ANKRD55: variants seen among roughly 807,000 people sequenced by gnomAD.
ANKRD55 encodes the protein ankyrin repeat domain-containing protein 55.
In ANKRD55, 41 loss-of-function variants were observed where a neutral mutation model predicts 60.6. The observed-to-expected ratio is 0.68, with a 90% CI of 0.53 to 0.88. The LOEUF is 0.88. ANKRD55 is among the 40% of genes least tolerant of loss of function. The probability of loss-of-function intolerance (pLI) is 0.00; values close to 1 mark genes in which losing one functional copy is unlikely to be tolerated. For missense variants in ANKRD55, 732 were observed against 767.6 expected (o/e 0.95, Z 0.55); for synonymous variants, 264 against 290.3 (o/e 0.91, Z 0.92).
chr5:56,160,871 C>G (rs1279230786), intron 5 of ANKRD55: 1 of 152,144 alleles, frequency 6.6e-6, no homozygotes, highest in Non-Finnish European at 1.5e-5. Context: ...GAGAGGGGCC[C>G]GGGCTCTGCA....
chr5:56,228,732 G>A (rs1760177373), intron 2 of ANKRD55, among the ~76,000 whole-genome samples: 1 of 152,152 alleles, frequency 6.6e-6, no homozygotes, highest in Admixed American at 6.6e-5. Flanking sequence ...GCCTGCTGCT[G>A]ACATCTTGAT....
rs1757279246 is a variant in ANKRD55 at position 56,126,983 on chromosome 5, T to C, written c.736A>G (p.Ile246Val). 6.2e-7 allele frequency: 1 copy of C among 1,613,564 alleles called. No individual in the cohort carries two copies. Among genetic ancestry groups the C allele is most frequent in the Admixed American group, 1.7e-5 (1 of 59,962 alleles). ...GGGACTCTTGCCAGCTCATGAATAA[T>C]ATCGCTGAAGCCCGCTGCCGCTGCG... ...HIAAAAGFSD[I>V]IHELARVPEC... Residue 246 changes from isoleucine (I) to valine (V), a missense_variant, in exon 8 of 12, where the codon ATT becomes GTT. By Grantham distance (29) the Ile-to-Val change is conservative (BLOSUM62 3). Coordinates refer to ENST00000341048, the MANE Select transcript of ANKRD55 (RefSeq NM_024669.3).
chr5:56,219,479 C>T (rs1759910377), intron 2 of ANKRD55, among the ~76,000 whole-genome samples: 1 of 151,946 alleles, frequency 6.6e-6, no homozygotes, highest in Admixed American at 6.6e-5. Context: ...TTAGGTTTCA[C>T]AAAGAGAAAA....
Position 56,111,450 on chromosome 5 carries a change from C to G in ANKRD55, c.1298G>C (p.Arg433Thr), listed in dbSNP as rs1395518951. ...PLARKGLPPI[R>T]TQSLPPITLG... ...GGTGATGGGTGGGAGACTCTGCGTT[C>G]TGATTGGTGGAAGCCCCTTACGGGC... is the stretch of plus-strand genomic sequence containing the variant. Residue 433 changes from arginine (R) to threonine (T), a missense_variant, in exon 10 of 12, where the codon AGA (arginine) becomes ACA (threonine). Arg to Thr is a moderately conservative substitution (Grantham distance 71, BLOSUM62 -1). Transcript: ENST00000341048. 1 of 1,614,146 alleles carries G rather than the reference C, an allele frequency of 6.2e-7. No homozygotes were observed. The highest frequency in any genetic ancestry group is 1.7e-5 in the Admixed American group (1 of 60,002).
chr5:56,107,628 G>A (rs1435906543), intron 10 of ANKRD55, among the ~76,000 whole-genome samples: 1 of 152,104 alleles, frequency 6.6e-6, no homozygotes, highest in Non-Finnish European at 1.5e-5. Context: ...AGGCCAATGA[G>A]ATGCAAGCGG....
chr5:56,136,955 A>G (rs1757619573), intron 7 of ANKRD55: 1 of 506,002 alleles, frequency 2.0e-6, no homozygotes, highest in Admixed American at 2.9e-5. Context: ...TCTTTCCCTA[A>G]GTGGCCTCAG....
intron 2 of ANKRD55, among the ~76,000 whole-genome samples, chr5:56,219,639 C>T (rs546489272): frequency 6.6e-6 from 1 of 152,080 alleles, no homozygotes; most frequent in Non-Finnish European, 1.5e-5. Flanking sequence ...TTCAGCAGAC[C>T]CTGCATTAAA....
intron 2 of ANKRD55, among the ~76,000 whole-genome samples, chr5:56,211,007 G>C (rs1759657793): frequency 6.6e-6 from 1 of 152,160 alleles, no homozygotes; most frequent in Non-Finnish European, 1.5e-5. Flanking sequence ...GGCTTGGGGA[G>C]CGGGGACCCC....
At chr5:56,107,928 G>C (rs1324634808) in intron 10 of ANKRD55, among the ~76,000 whole-genome samples, 2 of 151,330 alleles carry the variant, frequency 1.3e-5, no homozygotes, top group Non-Finnish European at 1.5e-5. Flanking sequence ...GGGGTGCAGT[G>C]GTGCGATCTT....
chr5:56,108,806 A>T (rs1450619293), intron 10 of ANKRD55, among the ~76,000 whole-genome samples: 2 of 152,178 alleles, frequency 1.3e-5, no homozygotes, highest in African/African-American at 4.8e-5. Context: ...TGGGAGGCCG[A>T]GGCGGACGGA....
At chr5:56,216,544 T>C (rs780530740) in intron 2 of ANKRD55, among the ~76,000 whole-genome samples, 23 of 152,336 alleles carry the variant, frequency 1.5e-4, no homozygotes, top group Non-Finnish European at 3.4e-4. Flanking sequence ...AGTCAAGTTG[T>C]GAATGCAAAG....
intron 2 of ANKRD55, among the ~76,000 whole-genome samples, chr5:56,217,924 G>A (rs61627839): frequency 0.098 from 14,903 of 151,694 alleles, 1,323 homozygotes; most frequent in African/African-American, 0.24. Context: ...TTCATGATTC[G>A]GGTTTGGAAG....
intron 2 of ANKRD55, among the ~76,000 whole-genome samples, chr5:56,229,314 G>A (rs1451050229): frequency 6.6e-6 from 1 of 152,064 alleles, no homozygotes. Context: ...CAGCTGGAAA[G>A]AACACGTGGG....
chr5:56,149,379 A>T (rs1757984904), intron 6 of ANKRD55, among the ~76,000 whole-genome samples: 1 of 152,200 alleles, frequency 6.6e-6, no homozygotes, highest in African/African-American at 2.4e-5. Flanking sequence ...GACATTTTTA[A>T]AAAAAGACTT....
intron 11 of ANKRD55, 146 bp from the exon 12 acceptor site, chr5:56,100,450 A>G (rs1756238587): frequency 2.2e-6 from 2 of 926,858 alleles, no homozygotes; most frequent in Non-Finnish European, 3.3e-6. Context: ...GAAGCTGTGT[A>G]TGTATATCTT....
intron 7 of ANKRD55, among the ~76,000 whole-genome samples, chr5:56,141,537 T>C (rs1757766935): frequency 1.3e-5 from 2 of 152,156 alleles, no homozygotes; most frequent in South Asian, 4.1e-4. Flanking sequence ...CTGAAATCAA[T>C]GTAGTAGGTT....
At chr5:56,175,725 T>C (rs1345603821) in intron 4 of ANKRD55, among the ~76,000 whole-genome samples, 1 of 152,074 alleles carries the variant, frequency 6.6e-6, no homozygotes, top group Non-Finnish European at 1.5e-5. Flanking sequence ...CCAGTTCTCG[T>C]TGTTCTCCAC....
At chr5:56,132,831 C>A (rs1757460115) in intron 7 of ANKRD55, among the ~76,000 whole-genome samples, 1 of 151,980 alleles carries the variant, frequency 6.6e-6, no homozygotes, top group Non-Finnish European at 1.5e-5. Context: ...GAAAGATTTA[C>A]CATGAAAACA....
At chr5:56,116,971 C>G (rs1027804312) in intron 8 of ANKRD55, 189 bp from the exon 9 acceptor site, 2 of 525,484 alleles carry the variant, frequency 3.8e-6, no homozygotes, top group Non-Finnish European at 3.3e-6. Context: ...GGCCTCTCCT[C>G]TAGCTCTAAG....
Sources: gnomAD v4.1 joint callset for allele counts (sites outside exome capture counted in the v4.1 genomes callset) on GRCh38, gnomAD v4.1.1 for gene constraint, MANE v1.5 for transcripts, NCBI Gene and HGNC (gene_info 2026-07-23, HGNC 2026-07-21) for gene names.